Variants in PCDHGA6 observed in about 807,000 individuals in gnomAD.
PCDHGA6 encodes protocadherin gamma subfamily A, 6, also known as protocadherin gamma-A6.
PCDHGA6 carries 41 observed loss-of-function variants against 60.6 expected under a neutral mutation model. That is an observed-to-expected ratio of 0.68 (90% CI 0.53 to 0.88). The LOEUF (loss-of-function observed/expected upper bound fraction) is 0.88, where lower values mean the gene tolerates loss of function less well. Ranked by LOEUF, PCDHGA6 falls within the 40% of genes least tolerant of loss-of-function variation. PCDHGA6 has a pLI of 0.00. For missense variants in PCDHGA6, 1,312 were observed against 1,203.0 expected (o/e 1.09, Z -1.34); for synonymous variants, 594 against 524.4 (o/e 1.13, Z -1.81).
intron 1 of PCDHGA6, among the ~76,000 whole-genome samples, chr5:141,445,740 A>T (rs993128906): frequency 2.6e-5 from 4 of 152,226 alleles, no homozygotes; most frequent in Admixed American, 1.3e-4. Flanking sequence ...AGATCTTTTT[A>T]AAAAATAAAA....
Position 141,511,029 on chromosome 5 carries a change from G to A in PCDHGA6, c.2655G>A (p.Leu885=), listed in dbSNP as rs1372346241. The part of the protein sequence containing the change: ...LSARYGPQFT[L]QHVPDYRQNV... ...CCCGCTACGGACCCCAGTTCACCCT[G>A]CAGCACGTGCCCGACTACCGCCAGA... The change falls in exon 4 of 4, where the codon CTG becomes CTA. Residue 885 remains leucine, a synonymous_variant. Transcript: ENST00000517434. 6.2e-7 allele frequency: 1 copy of A among 1,614,078 alleles called. No individual in the cohort carries two copies. Among genetic ancestry groups the A allele is most frequent in the Non-Finnish European group, 8.5e-7 (1 of 1,180,032 alleles).
intron 1 of PCDHGA6, among the ~76,000 whole-genome samples, chr5:141,425,305 AC>A (rs1239206853): frequency 1.3e-5 from 2 of 152,202 alleles, no homozygotes; most frequent in Non-Finnish European, 2.9e-5. Flanking sequence ...ATCTAAACTA[AC>A]TTCCCAAGAT....
chr5:141,464,640 C>T (rs1482089475), intron 1 of PCDHGA6, among the ~76,000 whole-genome samples: 2 of 151,952 alleles, frequency 1.3e-5, no homozygotes, highest in Admixed American at 6.6e-5. Context: ...TTGTTGCCAA[C>T]CTGATGGGTA....
At chr5:141,429,240 TGA>T (rs998506084) in intron 1 of PCDHGA6, 1 of 151,858 alleles carries the variant, frequency 6.6e-6, no homozygotes, top group Non-Finnish European at 1.5e-5. Context: ...CTGCTGTCAT[TGA>T]GATATTTTAA....
At chr5:141,428,189 C>G in intron 1 of PCDHGA6, 1 of 1,429,262 alleles carries the variant, frequency 7.0e-7, no homozygotes, top group African/African-American at 1.4e-5. Flanking sequence ...ACAGCCGCCG[C>G]TCTCTGCGCC....
rs758216933 is a variant in PCDHGA6 at position 141,487,377 on chromosome 5, C to A, written c.2425-7430C>A. The A allele has an allele frequency of 2.5e-6, 4 of 1,614,190 alleles. No individual in the cohort carries two copies. In the South Asian group the frequency reaches 3.3e-5, roughly 13 times the overall value. On this transcript the variant is annotated intron_variant, in intron 1 of 3. Transcript: ENST00000517434. This position sits in a 1 kb window ranked among gnomAD's most constrained non-coding sequence, Gnocchi z 5.0. ...CCTGCTGGCACCTGTGCCTGTCTCA[C>A]CAGATCTCGAAGGAGGGAGGGGCTT...
intron 1 of PCDHGA6, among the ~76,000 whole-genome samples, chr5:141,452,648 GCTCCATCCACTGCA>G (rs2098746292): frequency 6.6e-6 from 1 of 151,930 alleles, no homozygotes; most frequent in African/African-American, 2.4e-5. Flanking sequence ...TTACTCATTT[GCTCCATCCACTGCA>G]CTCCAGCCTA....
intron 2 of PCDHGA6, among the ~76,000 whole-genome samples, chr5:141,500,812 T>C: frequency 6.6e-6 from 1 of 152,322 alleles, no homozygotes; most frequent in South Asian, 2.1e-4. Flanking sequence ...CATATGAATA[T>C]ACATATTATT....
At chr5:141,404,192 A>G in intron 1 of PCDHGA6, 1 of 1,613,574 alleles carries the variant, frequency 6.2e-7, no homozygotes. Flanking sequence ...TGACCGAGAA[A>G]AAGCCTCAGA....
At chr5:141,396,645 A>G (rs1224275677) in intron 1 of PCDHGA6, 1 of 152,172 alleles carries the variant, frequency 6.6e-6, no homozygotes, top group Non-Finnish European at 1.5e-5. Context: ...TAATATTAAT[A>G]GTAAAAACTC....
chr5:141,388,415 T>C, intron 1 of PCDHGA6: 2 of 1,613,894 alleles, frequency 1.2e-6, no homozygotes, highest in Non-Finnish European at 1.7e-6. Flanking sequence ...CCAGTGATCA[T>C]TTCTCACTGA....
intron 1 of PCDHGA6, among the ~76,000 whole-genome samples, chr5:141,455,650 C>T (rs1176718096): frequency 2.6e-5 from 4 of 151,994 alleles, no homozygotes; most frequent in African/African-American, 9.7e-5. Flanking sequence ...AGCCATGTGG[C>T]CAGGAACTTG....
In PCDHGA6 at chr5:141,376,453, T is replaced by C. The variant is rs779136467; in HGVS notation, c.2370T>C (p.Pro790=). 2 of 1,614,048 alleles carry C rather than the reference T, an allele frequency of 1.2e-6. No homozygotes were observed. The highest frequency in any genetic ancestry group is 2.7e-5 in the African/African-American group (2 of 74,924). ...AGGAGAGCTATGAGAAAAGCGAGCCTCTTCTGATAACTCAGGATTTACTTG... is the reference window on the plus strand; with the variant it reads ...AGGAGAGCTATGAGAAAAGCGAGCCCCTTCTGATAACTCAGGATTTACTTG... ...INQESYEKSE[P]LLITQDLLET... Residue 790 remains proline, a synonymous_variant, in exon 1 of 4, where the codon CCT becomes CCC. Transcript: ENST00000517434.
At position 141,393,516 on chromosome 5, in the gene PCDHGA6, A is replaced by G. The variant is rs368866192; in HGVS notation, c.2424+17009A>G. 1.5e-5 allele frequency: 24 copies of G among 1,614,046 alleles called. No homozygotes were observed. Among genetic ancestry groups the G allele is most frequent in the African/African-American group, 2.7e-5 (2 of 75,084 alleles). ...GCGCATCCACGTGACAGTGTTGGAT[A>G]CAAATGACAATGCCCCGGTTTTTCC... is the stretch of plus-strand genomic sequence containing the variant. On this transcript the variant is annotated intron_variant, in intron 1 of 3. Transcript: ENST00000517434.
chr5:141,384,283 G>C (rs762515266), intron 1 of PCDHGA6: 19 of 1,613,644 alleles, frequency 1.2e-5, no homozygotes, highest in South Asian at 2.2e-5. Flanking sequence ...AGTCTACATC[G>C]CTGAGAACAA....
At chr5:141,497,733 T>G (rs2099779006) in intron 2 of PCDHGA6, among the ~76,000 whole-genome samples, 2 of 152,078 alleles carry the variant, frequency 1.3e-5, no homozygotes, top group Non-Finnish European at 2.9e-5. Context: ...AGAGATGGGT[T>G]TCGCCACGTT....
In PCDHGA6 at chr5:141,376,390, T is replaced by C. The variant is rs776058989; in HGVS notation, c.2307T>C (p.Ile769=). ...CAGACTCGCGTAAGAGTCATCTGAT[T>C]TTCCCCCAGCCCAACTATGCCGACA... ...LTADSRKSHL[I]FPQPNYADTL... The change falls in exon 1 of 4, where the codon ATT becomes ATC. Residue 769 remains isoleucine (I), a synonymous_variant. Transcript: ENST00000517434. 1.0e-4 allele frequency: 166 copies of C among 1,614,188 alleles called. No individual in the cohort carries two copies. Among genetic ancestry groups the C allele is most frequent in the Middle Eastern group, 1.6e-4 (1 of 6,062 alleles).
At position 141,490,908 on chromosome 5, in the gene PCDHGA6, C is replaced by G; in HGVS notation, c.2425-3899C>G. On this transcript the variant is annotated intron_variant, in intron 1 of 3. Transcript: ENST00000517434. This position sits in a 1 kb window ranked among gnomAD's most constrained non-coding sequence, Gnocchi z 5.4. ...CATCTCTGCATGTGTTTGTCCTAGA[C>G]GAGAATGATAATGCCCCAGCTGTGC... The G allele has an allele frequency of 6.2e-7, 1 of 1,613,710 alleles. No individual in the cohort carries two copies. Among genetic ancestry groups the G allele is most frequent in the Non-Finnish European group, 8.5e-7 (1 of 1,179,754 alleles).
chr5:141,388,910 C>T, intron 1 of PCDHGA6: 1 of 1,613,852 alleles, frequency 6.2e-7, no homozygotes, highest in East Asian at 2.2e-5. Context: ...ATGACAACGC[C>T]CCAGAAGTGA....
Sources: allele counts gnomAD v4.1 joint callset (sites outside exome capture counted in the v4.1 genomes callset), GRCh38; gene constraint gnomAD v4.1.1; non-coding constraint Gnocchi (gnomAD v3.1); transcripts MANE v1.5; gene names NCBI Gene and HGNC (gene_info 2026-07-23, HGNC 2026-07-21).